KIF16B: variants seen among roughly 807,000 people sequenced by gnomAD.
The protein encoded by KIF16B is kinesin family member 16B.
KIF16B carries 98 observed loss-of-function variants against 156.3 expected under a neutral mutation model. That is an observed-to-expected ratio of 0.63 (90% CI 0.53 to 0.74). The LOEUF (loss-of-function observed/expected upper bound fraction) is 0.74, where lower values mean the gene tolerates loss of function less well. Among genes scored for constraint, KIF16B ranks in the 30% least tolerant of loss-of-function variants. The pLI is 0.00. For synonymous variants in KIF16B, 564 were observed against 583.7 expected, an observed-to-expected ratio of 0.97 and a Z score of 0.49; for missense variants, 1,421 against 1,606.5, an observed-to-expected ratio of 0.88 and a Z score of 1.97.
chr20:16,287,136 T>C (rs2063234621), intron 25 of KIF16B, among the ~76,000 whole-genome samples: 1 of 152,162 alleles, frequency 6.6e-6, no homozygotes. Context: ...AACCAAAATA[T>C]ATGGGTTTGG....
chr20:16,342,209 C>T (rs2064152041), intron 23 of KIF16B, among the ~76,000 whole-genome samples: 1 of 151,320 alleles, frequency 6.6e-6, no homozygotes. Context: ...ATTAATGTTG[C>T]ACTAATTCAT....
At chr20:16,287,016 T>A (rs998350645) in intron 25 of KIF16B, among the ~76,000 whole-genome samples, 7 of 152,144 alleles carry the variant, frequency 4.6e-5, no homozygotes, top group Non-Finnish European at 1.0e-4. Flanking sequence ...ATATAAACCA[T>A]CCAGCTGGGC....
chr20:16,329,001 C>T (rs73597764), intron 24 of KIF16B, among the ~76,000 whole-genome samples: 18,805 of 152,158 alleles, frequency 0.12, 1,460 homozygotes, highest in East Asian at 0.32. Context: ...AAAAGAAAGA[C>T]ACCCTGTTAA....
At chr20:16,445,061 G>A (rs2066896416) in intron 12 of KIF16B, among the ~76,000 whole-genome samples, 1 of 152,140 alleles carries the variant, frequency 6.6e-6, no homozygotes. Context: ...AGCAGGCCAG[G>A]CATGGTGGCA....
chr20:16,329,881 C>A (rs6080230), intron 24 of KIF16B, among the ~76,000 whole-genome samples: 1 of 152,136 alleles, frequency 6.6e-6, no homozygotes, highest in Admixed American at 6.5e-5. Flanking sequence ...AAGAACTCAG[C>A]CTACTCATAC....
chr20:16,439,388 T>C (rs2066733363), intron 12 of KIF16B, among the ~76,000 whole-genome samples: 1 of 152,090 alleles, frequency 6.6e-6, no homozygotes, highest in African/African-American at 2.4e-5. Context: ...TCCCACACGT[T>C]TGGAATAAAA....
At chr20:16,543,114 G>C (rs1279882021) in intron 1 of KIF16B, among the ~76,000 whole-genome samples, 2 of 152,192 alleles carry the variant, frequency 1.3e-5, no homozygotes. Flanking sequence ...CACCTAGGAG[G>C]TTCTGATGGT....
At chr20:16,500,232 T>C (rs752633265) in intron 10 of KIF16B, among the ~76,000 whole-genome samples, 3 of 152,242 alleles carry the variant, frequency 2.0e-5, no homozygotes, top group Non-Finnish European at 2.9e-5. Flanking sequence ...TCTGCATTTA[T>C]TGTATTTCAA....
intron 25 of KIF16B, among the ~76,000 whole-genome samples, chr20:16,305,961 T>C (rs1376213652): frequency 2.0e-5 from 3 of 152,214 alleles, no homozygotes. Context: ...AATCATGTTT[T>C]AAACCTCACT....
At chr20:16,510,934 T>C (rs887440208) in intron 6 of KIF16B, among the ~76,000 whole-genome samples, 5 of 152,228 alleles carry the variant, frequency 3.3e-5, no homozygotes, top group East Asian at 1.9e-4. Flanking sequence ...CCTGTACTCA[T>C]CATTGCTTGT....
At chr20:16,450,594 C>G (rs990079769) in intron 12 of KIF16B, among the ~76,000 whole-genome samples, 12 of 152,186 alleles carry the variant, frequency 7.9e-5, no homozygotes, top group Non-Finnish European at 1.5e-4. Flanking sequence ...TGCCTTGTTA[C>G]TATTCTCCCT....
rs781432600 is a variant in KIF16B, at chr20:16,367,631, G to A, written c.3498+2955C>T. ...GGGACATTGACTTCCATATTTCCAT[G>A]AAGAAAGTAAATCATGTCAACCAAG... On this transcript the variant is annotated intron_variant, in intron 22 of 25. Transcript: ENST00000354981. 1.9e-6 allele frequency: 3 copies of A among 1,612,706 alleles called. No individual in the cohort carries two copies. In the South Asian group the frequency reaches 3.3e-5, roughly 18 times the overall value.
intron 22 of KIF16B, chr20:16,368,253 G>A: frequency 1.0e-6 from 1 of 1,002,968 alleles, no homozygotes; most frequent in Non-Finnish European, 1.2e-6. Flanking sequence ...GAAAAACTGA[G>A]CTTGGCGAGG....
intron 1 of KIF16B, among the ~76,000 whole-genome samples, chr20:16,536,916 A>G (rs1313335111): frequency 6.6e-6 from 1 of 151,760 alleles, no homozygotes; most frequent in Non-Finnish European, 1.5e-5. Flanking sequence ...TCCATGTGAC[A>G]CTCCATCAAA....
chr20:16,276,122 T>A (rs2063057676), intron 25 of KIF16B, among the ~76,000 whole-genome samples: 1 of 152,196 alleles, frequency 6.6e-6, no homozygotes. Flanking sequence ...CAGGCTGATG[T>A]TTACAGCAAA....
In KIF16B at chr20:16,379,871, G is replaced by A. The variant is rs201140090; in HGVS notation, c.2131C>T (p.Arg711Ter). Reference protein sequence around the residue: ...TFLRVQEELQRLKELNNNEKA... With the variant: ...TFLRVQEELQ Reference sequence around the variant, plus strand: ...TCGTTGTTGTTGAGTTCTTTGAGTCGTTGGAGTTCTTCTTGGACGCGGAGA... The same window carrying A: ...TCGTTGTTGTTGAGTTCTTTGAGTCATTGGAGTTCTTCTTGGACGCGGAGA... The change falls in exon 19 of 26, where the codon CGA becomes TGA. Residue 711 changes from arginine (R) to a stop codon, truncating the protein, a stop_gained. Transcript: ENST00000354981. LOFTEE classifies it high-confidence loss of function. The A allele has an allele frequency of 3.5e-5, 56 of 1,614,146 alleles. No individual in the cohort carries two copies. The East Asian group carries it at 6.5e-4, about 19-fold the overall frequency.
intron 25 of KIF16B, among the ~76,000 whole-genome samples, chr20:16,289,142 T>C (rs1016015273): frequency 2.6e-5 from 4 of 152,178 alleles, no homozygotes; most frequent in African/African-American, 9.6e-5. Flanking sequence ...ACAAAAAGTC[T>C]AGTTAGTGTT....
At position 16,515,604 on chromosome 20, in the gene KIF16B, C is replaced by A. The variant is rs2069117523; in HGVS notation, c.292G>T (p.Val98Phe). ...KSAFEGYNACVFAYGQTGSGK... is the reference protein window; with the variant it reads ...KSAFEGYNACFFAYGQTGSGK... ...GATCCAGTTTGCCCATATGCAAAGA[C>A]ACAAGCATTATAACCTTCAAATGCA... is the stretch of plus-strand genomic sequence containing the variant. Residue 98 changes from valine (V) to phenylalanine (F), a missense_variant, in exon 4 of 26, where the codon GTC (valine) becomes TTC (phenylalanine). Val to Phe is a conservative substitution (Grantham distance 50). Coordinates refer to ENST00000354981, the MANE Select transcript of KIF16B (RefSeq NM_024704.5). The A allele has an allele frequency of 2.5e-6, 4 of 1,613,538 alleles. No individual in the cohort carries two copies. The highest frequency in any genetic ancestry group is 3.4e-6 in the Non-Finnish European group (4 of 1,179,722).
In KIF16B at chr20:16,375,210, G is replaced by A. The variant is rs527279881; in HGVS notation, c.3198-801C>T. 3.3e-5 allele frequency among the ~76,000 whole-genome samples: 5 copies of A among 152,342 alleles called. No homozygotes were observed. The East Asian group carries it at 9.7e-4, about 29-fold the overall frequency. On this transcript the variant is annotated intron_variant, in intron 19 of 25. Transcript: ENST00000354981. ...ACCTTGCCAGTGAATTTGGCCCCAG[G>A]AAGCAGGAGACTGCAGTCCACTCAC...
Sources: allele counts gnomAD v4.1 joint callset (sites outside exome capture counted in the v4.1 genomes callset), GRCh38; gene constraint gnomAD v4.1.1; transcripts MANE v1.5; gene names NCBI Gene and HGNC (gene_info 2026-07-23, HGNC 2026-07-21).